OCA2: variants seen among roughly 807,000 people sequenced by gnomAD.
OCA2 encodes P protein.
OCA2 carries 77 observed loss-of-function variants against 100.2 expected under a neutral mutation model. The ratio of observed to expected loss-of-function variants is 0.77; its 90% CI spans 0.64 to 0.93. The LOEUF (loss-of-function observed/expected upper bound fraction) is 0.93, where lower values mean the gene tolerates loss of function less well. OCA2 is among the 40% of genes least tolerant of loss of function. The pLI is 0.00. For missense variants in OCA2, 1,062 were observed against 1,089.1 expected, an observed-to-expected ratio of 0.98 and a Z score of 0.35; for synonymous variants, 432 against 439.2, an observed-to-expected ratio of 0.98 and a Z score of 0.21.
chr15:27,907,357 A>C (rs2038216402), intron 19 of OCA2, among the ~76,000 whole-genome samples: 1 of 152,214 alleles, frequency 6.6e-6, no homozygotes, highest in South Asian at 2.1e-4. Flanking sequence ...TACATATCAA[A>C]ATTTAAGGGA....
At chr15:28,074,274 C>T (rs1330514918) in intron 2 of OCA2, among the ~76,000 whole-genome samples, 1 of 152,156 alleles carries the variant, frequency 6.6e-6, no homozygotes, top group Non-Finnish European at 1.5e-5. Context: ...CACGGTAGCT[C>T]ACGCCTGTAA....
chr15:27,762,789 G>C (rs1280512635), intron 23 of OCA2, among the ~76,000 whole-genome samples: 3 of 152,142 alleles, frequency 2.0e-5, no homozygotes, highest in Non-Finnish European at 4.4e-5. Context: ...TCTAAAAACG[G>C]TTTGCCTAGG....
chr15:27,990,633 A>G lies in OCA2; in HGVS notation c.1059T>C (p.Thr353=), dbSNP rs1214315286. 5 of 1,613,866 alleles carry G rather than the reference A, an allele frequency of 3.1e-6. No homozygotes were observed. In the African/African-American group the frequency reaches 6.7e-5, roughly 22 times the overall value. The change falls in exon 10 of 24, where the codon ACT becomes ACC. Residue 353 remains threonine (T), a synonymous_variant. Coordinates refer to ENST00000354638, the MANE Select transcript of OCA2 (RefSeq NM_000275.3). ...ALIIFEIVHR[T]LAAMLGSLAA... Reference sequence around the variant, plus strand: ...CAAGGGAACCCAGCATGGCCGCCAGAGTTCTGTGCACGATCTGGAAAGAAG... The same window carrying G: ...CAAGGGAACCCAGCATGGCCGCCAGGGTTCTGTGCACGATCTGGAAAGAAG...
chr15:27,895,166 G>A (rs2037633923), intron 19 of OCA2, among the ~76,000 whole-genome samples: 1 of 152,168 alleles, frequency 6.6e-6, no homozygotes, highest in African/African-American at 2.4e-5. Context: ...CCCAGCTGTT[G>A]TGACTCTCCT....
the OCA2 span, among the ~76,000 whole-genome samples, chr15:27,721,896 T>C: frequency 6.6e-6 from 1 of 151,792 alleles, no homozygotes; most frequent in Non-Finnish European, 1.5e-5. Context: ...GAAAATATCC[T>C]TCTATCTACA....
At chr15:27,841,329 C>T (rs560647123) in intron 23 of OCA2, among the ~76,000 whole-genome samples, 1 of 152,160 alleles carries the variant, frequency 6.6e-6, no homozygotes, top group African/African-American at 2.4e-5. Context: ...CTGGAAAAGG[C>T]CAGCATAAGG....
chr15:27,986,645 T>C lies in OCA2; in HGVS notation c.1183-2A>G. The C allele has an allele frequency of 6.4e-7, 1 of 1,572,076 alleles. No homozygotes were observed. The highest frequency in any genetic ancestry group is 8.8e-7 in the Non-Finnish European group (1 of 1,141,140). The stretch of plus-strand genomic sequence containing the variant: ...TGAAAATATGGCTACTAAGATCATC[T>C]ATGGGGAAAAGAAGAAGACAAGGAT... On this transcript the variant is annotated splice_acceptor_variant, in intron 11 of 23. Coordinates refer to ENST00000354638, the MANE Select transcript of OCA2 (RefSeq NM_000275.3). LOFTEE classifies it high-confidence loss of function.
intron 2 of OCA2, among the ~76,000 whole-genome samples, chr15:28,073,320 G>A (rs936878160): frequency 2.0e-5 from 3 of 152,246 alleles, no homozygotes; most frequent in South Asian, 2.1e-4. Context: ...AGGCTGAGGC[G>A]AGGTAATCGC....
chr15:28,002,132 A>G (rs944121059), intron 9 of OCA2, among the ~76,000 whole-genome samples: 3 of 152,218 alleles, frequency 2.0e-5, no homozygotes, highest in Admixed American at 6.5e-5. Flanking sequence ...GGCACCAAAA[A>G]AGCTGATACA....
chr15:27,815,692 T>C (rs558981052), intron 23 of OCA2, among the ~76,000 whole-genome samples: 1 of 152,292 alleles, frequency 6.6e-6, no homozygotes, highest in African/African-American at 2.4e-5. Flanking sequence ...ATGGAACACA[T>C]GTGACCACGA....
chr15:27,955,309 G>T, intron 16 of OCA2, 94 bp from the exon 17 acceptor site: 1 of 918,794 alleles, frequency 1.1e-6, no homozygotes, highest in Non-Finnish European at 1.8e-6. Flanking sequence ...GCCTGGACGC[G>T]GTCTGTGACT....
intron 23 of OCA2, among the ~76,000 whole-genome samples, chr15:27,815,709 G>T (rs1210916257): frequency 6.6e-6 from 1 of 152,206 alleles, no homozygotes; most frequent in Non-Finnish European, 1.5e-5. Context: ...ACGAGTGAGT[G>T]GGAGAGTCAG....
At chr15:28,062,668 T>G (rs1030764260) in intron 2 of OCA2, among the ~76,000 whole-genome samples, 3 of 152,226 alleles carry the variant, frequency 2.0e-5, no homozygotes, top group Admixed American at 6.5e-5. Flanking sequence ...TGTTTTCTTC[T>G]AGGAGTTTTA....
At chr15:27,927,246 G>T (rs755734965) in intron 18 of OCA2, among the ~76,000 whole-genome samples, 2 of 152,154 alleles carry the variant, frequency 1.3e-5, no homozygotes, top group Admixed American at 1.3e-4. Flanking sequence ...CCGAGATCAC[G>T]CCATTGCACT....
In OCA2 at chr15:28,036,330, T is replaced by G. The variant is rs540760514; in HGVS notation, c.228-4167A>C. 2.0e-5 allele frequency among the ~76,000 whole-genome samples: 3 copies of G among 152,302 alleles called. No individual in the cohort carries two copies. In the East Asian group the frequency reaches 5.8e-4, roughly 29 times the overall value. On this transcript the variant is annotated intron_variant, in intron 2 of 23. Coordinates refer to ENST00000354638, the MANE Select transcript of OCA2 (RefSeq NM_000275.3). ...ACGTGAGGTCACTGGATCAAGAAGT[T>G]TCTTGGTGCCCATGGTCCTTTTGCT... is the stretch of plus-strand genomic sequence containing the variant.
intron 23 of OCA2, among the ~76,000 whole-genome samples, chr15:27,769,627 C>T (rs1338022702): frequency 6.6e-6 from 1 of 151,522 alleles, no homozygotes; most frequent in Admixed American, 6.5e-5. Flanking sequence ...CACCTGTTCC[C>T]CCTAAAACCT....
the OCA2 span, among the ~76,000 whole-genome samples, chr15:27,739,349 T>G: frequency 1.3e-5 from 2 of 151,978 alleles, no homozygotes; most frequent in Non-Finnish European, 2.9e-5. Context: ...GACTATTATT[T>G]CCAGATTTAA....
chr15:27,822,138 G>A (rs2034532593), intron 23 of OCA2, among the ~76,000 whole-genome samples: 1 of 152,060 alleles, frequency 6.6e-6, no homozygotes, highest in African/African-American at 2.4e-5. Flanking sequence ...TACAAGCTGA[G>A]CACGTGTGTC....
chr15:27,764,535 G>T (rs1243963556), intron 23 of OCA2, among the ~76,000 whole-genome samples: 1 of 152,080 alleles, frequency 6.6e-6, no homozygotes, highest in Non-Finnish European at 1.5e-5. Flanking sequence ...GCCAAATGTG[G>T]TCACCACCTT....
Sources: allele counts gnomAD v4.1 joint callset (sites outside exome capture counted in the v4.1 genomes callset), GRCh38; gene constraint gnomAD v4.1.1; transcripts MANE v1.5; gene names NCBI Gene and HGNC (gene_info 2026-07-23, HGNC 2026-07-21).